RIMKLB: variants seen among roughly 807,000 people sequenced by gnomAD.
The protein encoded by RIMKLB is ribosomal modification protein rimK like family member B, also known as beta-citrylglutamate synthase B.
A neutral mutation model predicts 32.0 loss-of-function variants in RIMKLB; 7 were observed. The ratio of observed to expected loss-of-function variants is 0.22; its 90% CI spans 0.12 to 0.41. The LOEUF (loss-of-function observed/expected upper bound fraction) is 0.41, where lower values mean the gene tolerates loss of function less well. RIMKLB is among the 10% of genes least tolerant of loss of function. The pLI is 1.00. For missense variants in RIMKLB, 289 were observed against 498.7 expected (o/e 0.58, Z 4.00); for synonymous variants, 172 against 185.1 (o/e 0.93, Z 0.57).
chr12:8,674,222 CTTTTTT>C, the RIMKLB span, among the ~76,000 whole-genome samples: 2 of 120,926 alleles, frequency 1.7e-5, no homozygotes, highest in South Asian at 2.7e-4. Context: ...TCTCACAATT[CTTTTTT>C]TTTTTTTTTT....
intron 1 of RIMKLB, among the ~76,000 whole-genome samples, chr12:8,683,742 T>A (rs1285552358): frequency 6.6e-6 from 1 of 152,160 alleles, no homozygotes; most frequent in African/African-American, 2.4e-5. Flanking sequence ...TGCTTGTAAT[T>A]TTGGTTTTTT....
chr12:8,716,528 A>G (rs1591707607), intron 2 of RIMKLB, among the ~76,000 whole-genome samples: 1 of 130,792 alleles, frequency 7.6e-6, no homozygotes, highest in East Asian at 2.1e-4. Context: ...CTATCTTCTC[A>G]CTATCCTGGC....
chr12:8,677,205 T>C (rs1052180110), upstream of RIMKLB, among the ~76,000 whole-genome samples: 3 of 152,188 alleles, frequency 2.0e-5, no homozygotes, highest in Admixed American at 6.6e-5. Flanking sequence ...GCTAAATCCC[T>C]AATAGCTCAA....
chr12:8,750,828 T>G (rs1483280638), intron 3 of RIMKLB, among the ~76,000 whole-genome samples: 2 of 152,166 alleles, frequency 1.3e-5, no homozygotes, highest in African/African-American at 4.8e-5. Flanking sequence ...TTAAACAATA[T>G]TTTGCTAATG....
intron 3 of RIMKLB, among the ~76,000 whole-genome samples, chr12:8,751,281 A>C (rs956262737): frequency 6.6e-6 from 1 of 152,216 alleles, no homozygotes; most frequent in South Asian, 2.1e-4. Context: ...TTGCAACGCT[A>C]CACATTTCTC....
upstream of RIMKLB, among the ~76,000 whole-genome samples, chr12:8,695,142 G>C (rs1418779880): frequency 6.6e-6 from 1 of 152,104 alleles, no homozygotes; most frequent in East Asian, 1.9e-4. Flanking sequence ...AGACATGCTA[G>C]GTTACTTATA....
intron 1 of RIMKLB, among the ~76,000 whole-genome samples, chr12:8,705,001 A>ACACACACACACACACACACACACAC (rs1214259948): frequency 7.1e-6 from 1 of 140,510 alleles, no homozygotes; most frequent in African/African-American, 2.9e-5. Flanking sequence ...CACACACACA[A>ACACACACACACACACACACACACAC]AACCCCAAAC....
chr12:8,717,307 T>G (rs758139738), intron 2 of RIMKLB, among the ~76,000 whole-genome samples: 10 of 152,170 alleles, frequency 6.6e-5, no homozygotes, highest in Non-Finnish European at 1.3e-4. Flanking sequence ...GTGAATTATA[T>G]CTCAAAGCCG....
intron 2 of RIMKLB, among the ~76,000 whole-genome samples, chr12:8,725,866 G>A (rs1026797318): frequency 6.6e-6 from 1 of 152,050 alleles, no homozygotes; most frequent in African/African-American, 2.4e-5. Flanking sequence ...TTTGTTTTTT[G>A]AGACAAGGTC....
At chr12:8,708,874 A>G (rs2136867251) in intron 1 of RIMKLB, among the ~76,000 whole-genome samples, 1 of 152,330 alleles carries the variant, frequency 6.6e-6, no homozygotes, top group Admixed American at 6.5e-5. Flanking sequence ...ACTCTCAAAA[A>G]TAAACTCTCT....
chr12:8,731,199 T>G (rs1368118880), intron 2 of RIMKLB, among the ~76,000 whole-genome samples: 1 of 151,874 alleles, frequency 6.6e-6, no homozygotes, highest in Non-Finnish European at 1.5e-5. Flanking sequence ...TGGGTTCAAG[T>G]GATTCTCCTG....
chr12:8,702,031 A>G lies in RIMKLB; in HGVS notation c.-57+3734A>G, dbSNP rs1413783641. 2.0e-5 allele frequency among the ~76,000 whole-genome samples: 3 copies of G among 152,034 alleles called. No homozygotes were observed. The East Asian group carries it at 5.8e-4, about 29-fold the overall frequency. Reference sequence around the variant, plus strand: ...AATAAAAAAAAAAAAAATAGATCTTATGGGGACACCCATTTGCCTGGTATT... The same window carrying G: ...AATAAAAAAAAAAAAAATAGATCTTGTGGGGACACCCATTTGCCTGGTATT... On this transcript the variant is annotated intron_variant, in intron 1 of 5. Coordinates refer to ENST00000535829, the MANE Select transcript of RIMKLB (RefSeq NM_001297776.2).
rs1555153656 is a variant in RIMKLB, at chr12:8,715,246, T to TTTTTTTTTTTTG, written c.175+1205_175+1206insTTTTTTTTTTTG. ...TCTTGTTCTTTTTTTTTTTTTTTTT[T>TTTTTTTTTTTTG]GGAGACAGGGTCTTTGTCACCAGGC... On this transcript the variant is annotated intron_variant, in intron 2 of 5. Coordinates refer to ENST00000535829, the MANE Select transcript of RIMKLB (RefSeq NM_001297776.2). 2.8e-4 allele frequency among the ~76,000 whole-genome samples: 42 copies of TTTTTTTTTTTTG among 148,324 alleles called. 1 individual carries two copies. The highest frequency in any genetic ancestry group is 1.1e-3 in the African/African-American group (41 of 38,814).
intron 1 of RIMKLB, among the ~76,000 whole-genome samples, chr12:8,703,211 A>T (rs1010710403): frequency 6.6e-6 from 1 of 152,114 alleles, no homozygotes; most frequent in Non-Finnish European, 1.5e-5. Flanking sequence ...GCTTGAACCC[A>T]GGAGGCAGGT....
At chr12:8,768,342 ATGG>A (rs1010594394) in intron 5 of RIMKLB, among the ~76,000 whole-genome samples, 1 of 152,214 alleles carries the variant, frequency 6.6e-6, no homozygotes, top group Non-Finnish European at 1.5e-5. Flanking sequence ...AACAGCAGTG[ATGG>A]ACAGTGAGCA....
upstream of RIMKLB, among the ~76,000 whole-genome samples, chr12:8,694,404 T>C (rs1426989918): frequency 6.8e-6 from 1 of 147,146 alleles, no homozygotes; most frequent in East Asian, 2.0e-4. Flanking sequence ...TTCTTTTTTT[T>C]TTTTTTTTTG....
At chr12:8,733,070 A>G (rs1196479046) in intron 2 of RIMKLB, among the ~76,000 whole-genome samples, 1 of 152,146 alleles carries the variant, frequency 6.6e-6, no homozygotes, top group African/African-American at 2.4e-5. Flanking sequence ...GTATGGCTGT[A>G]TACTATTCAG....
chr12:8,751,821 C>A, intron 3 of RIMKLB, 136 bp from the exon 4 acceptor site: 1 of 619,472 alleles, frequency 1.6e-6, no homozygotes, highest in East Asian at 2.7e-5. Context: ...CACATACTTT[C>A]TCCAAGAAAA....
intron 2 of RIMKLB, among the ~76,000 whole-genome samples, chr12:8,718,657 A>C (rs35672278): frequency 0.17 from 22,570 of 133,164 alleles, 1,998 homozygotes; most frequent in South Asian, 0.31. Context: ...CTCTCTCTAT[A>C]TATATATATA....
Sources: allele counts gnomAD v4.1 joint callset (sites outside exome capture counted in the v4.1 genomes callset), GRCh38; gene constraint gnomAD v4.1.1; transcripts MANE v1.5; gene names NCBI Gene and HGNC (gene_info 2026-07-23, HGNC 2026-07-21).